The following GATA4 variants were observed in gnomAD, a reference collection of about 807,000 sequenced individuals.
GATA4 encodes transcription factor GATA-4.
GATA4 carries 7 observed loss-of-function variants against 37.9 expected under a neutral mutation model. The ratio of observed to expected loss-of-function variants is 0.18; its 90% confidence interval spans 0.11 to 0.35. The LOEUF (loss-of-function observed/expected upper bound fraction) is 0.35. Ranked by LOEUF, GATA4 falls within the 10% of genes least tolerant of loss-of-function variation. The probability of loss-of-function intolerance (pLI) is 1.00; values close to 1 mark genes in which losing one functional copy is unlikely to be tolerated. For missense variants in GATA4, 647 were observed against 653.0 expected (o/e 0.99, Z 0.10); for synonymous variants, 372 against 292.6 (o/e 1.27, Z -2.77).
At chr8:11,686,330 T>A (rs1262300650) in intron 1 of GATA4, among the ~76,000 whole-genome samples, 1 of 152,064 alleles carries the variant, frequency 6.6e-6, no homozygotes, top group African/African-American at 2.4e-5. Context: ...GCAAATAAAT[T>A]GCATTCTGAA....
rs1350663918 is a variant in GATA4 at position 11,753,704 on chromosome 8, C to G, written c.913-1342C>G. Among the ~76,000 whole-genome samples, 6 of 152,170 alleles carry G rather than the reference C, an allele frequency of 3.9e-5. No homozygotes were observed. In the East Asian group the frequency reaches 5.8e-4, roughly 15 times the overall value. Reference sequence around the variant, plus strand: ...TCGGGGGGTGCAAGTGCCACCCCATCTACCCACAGTTAAATAGGAGGCCAG... The same window carrying G: ...TCGGGGGGTGCAAGTGCCACCCCATGTACCCACAGTTAAATAGGAGGCCAG... On this transcript the variant is annotated intron_variant, in intron 4 of 6. Transcript: ENST00000532059.
At chr8:11,744,706 C>T (rs936624057) in intron 2 of GATA4, among the ~76,000 whole-genome samples, 1 of 152,126 alleles carries the variant, frequency 6.6e-6, no homozygotes, top group Non-Finnish European at 1.5e-5. Flanking sequence ...GGTTGGATGG[C>T]AGGATTTTGT....
At position 11,708,524 on chromosome 8, in the gene GATA4, C is replaced by G; in HGVS notation, c.212C>G (p.Ser71Cys). The change falls in exon 2 of 7, where the codon TCC becomes TGC. Residue 71 changes from serine (S) to cysteine (C), a missense_variant. Ser to Cys is a moderately radical substitution (Grantham distance 112, BLOSUM62 -1). Around this residue, in one of 5 missense-constraint regions of GATA4, gnomAD observed 379 missense variants for 334.5 expected, o/e 1.13. Transcript: ENST00000532059. This position sits in a 1 kb window ranked among gnomAD's most constrained non-coding sequence, Gnocchi z 6.7. ...TCCGGAGGCGCCTCGGGCGGCAGCTCCGGTGGGGCCGCGTCTGGTGCGGGG... is the reference window on the plus strand; with the variant it reads ...TCCGGAGGCGCCTCGGGCGGCAGCTGCGGTGGGGCCGCGTCTGGTGCGGGG... ...SASGGASGGS[S>C]GGAASGAGPG... The G allele has an allele frequency of 6.9e-7, 1 of 1,455,036 alleles. No homozygotes were observed. Among genetic ancestry groups the G allele is most frequent in the South Asian group, 1.4e-5 (1 of 73,166 alleles). 90.1% of individuals were successfully genotyped at this position (1,455,036 alleles called of 1,614,324 possible).
intron 1 of GATA4, chr8:11,706,174 G>C (rs1316913546): frequency 2.0e-5 from 3 of 152,156 alleles, no homozygotes; most frequent in Non-Finnish European, 4.4e-5. Flanking sequence ...TATTTTGAAA[G>C]CAAATAAGCT....
chr8:11,718,561 C>G (rs1020326179), intron 2 of GATA4, among the ~76,000 whole-genome samples: 1 of 152,210 alleles, frequency 6.6e-6, no homozygotes, highest in African/African-American at 2.4e-5. Flanking sequence ...GAAGTTACTA[C>G]CACAATTTGG....
intron 2 of GATA4, among the ~76,000 whole-genome samples, chr8:11,736,365 T>A (rs1263613235): frequency 1.3e-5 from 2 of 152,174 alleles, no homozygotes; most frequent in Non-Finnish European, 2.9e-5. Context: ...CACTTTTGAG[T>A]TGTGGAGACC....
chr8:11,708,058 A>C lies in GATA4; in HGVS notation c.-255A>C. 2 of 559,264 alleles carry C rather than the reference A, an allele frequency of 3.6e-6. No individual in the cohort carries two copies. Among genetic ancestry groups the C allele is most frequent in the Non-Finnish European group, 6.5e-6 (2 of 306,004 alleles). 34.6% of individuals were successfully genotyped at this position (559,264 alleles called of 1,614,324 possible). A position where few individuals can be genotyped will look rare whatever the true frequency, so the allele number is the denominator to read the frequency against. On this transcript the variant is annotated 5_prime_UTR_variant, in exon 2 of 7. Coordinates refer to ENST00000532059, the MANE Select transcript of GATA4 (RefSeq NM_001308093.3). The surrounding 1 kb of genome is among the most constrained non-coding windows in gnomAD (Gnocchi z 6.7). ...CCCTGGGGTGAATTCAGCTGCTCCTACATCAGCTTCCGGAACCACCAAAAA... is the reference window on the plus strand; with the variant it reads ...CCCTGGGGTGAATTCAGCTGCTCCTCCATCAGCTTCCGGAACCACCAAAAA...
chr8:11,742,217 C>G (rs1443762502), intron 2 of GATA4, among the ~76,000 whole-genome samples: 1 of 152,158 alleles, frequency 6.6e-6, no homozygotes, highest in Non-Finnish European at 1.5e-5. Context: ...CCTCCAGTGA[C>G]AGGTGTGGTT....
intron 2 of GATA4, among the ~76,000 whole-genome samples, chr8:11,743,072 C>A (rs777291387): frequency 1.3e-5 from 2 of 152,238 alleles, no homozygotes; most frequent in South Asian, 4.1e-4. Flanking sequence ...CGGGCACGGG[C>A]CCTTTCCACT....
intron 2 of GATA4, among the ~76,000 whole-genome samples, chr8:11,741,933 G>C (rs1370171722): frequency 6.6e-6 from 1 of 152,192 alleles, no homozygotes; most frequent in African/African-American, 2.4e-5. Flanking sequence ...TCTGTGGGCA[G>C]CGCTGGTGGG....
At chr8:11,681,230 T>G (rs1294270103) in intron 1 of GATA4, 3 of 985,148 alleles carry the variant, frequency 3.0e-6, no homozygotes, top group African/African-American at 1.7e-5. Context: ...TTTCTCGACG[T>G]TTGGGGACTT....
chr8:11,690,936 G>A (rs914328045), upstream of GATA4, among the ~76,000 whole-genome samples: 10 of 152,224 alleles, frequency 6.6e-5, no homozygotes, highest in East Asian at 3.8e-4. Flanking sequence ...CTTGCCCAGA[G>A]GAGCAGTTTT....
chr8:11,728,455 A>G (rs1801046577), intron 2 of GATA4, among the ~76,000 whole-genome samples: 1 of 152,042 alleles, frequency 6.6e-6, no homozygotes, highest in Admixed American at 6.5e-5. Context: ...TGCAGCCTTG[A>G]ACTTCTGGGC....
intron 2 of GATA4, among the ~76,000 whole-genome samples, chr8:11,732,594 GA>G (rs1801262871): frequency 6.6e-6 from 1 of 152,230 alleles, no homozygotes; most frequent in Admixed American, 6.5e-5. Context: ...AGATGTGATT[GA>G]TTGCCATAAA....
At chr8:11,755,213 G>C (rs2130339149) in intron 5 of GATA4, 80 bp downstream of exon 5, 1 of 1,246,648 alleles carries the variant, frequency 8.0e-7, no homozygotes, top group South Asian at 1.2e-5. Flanking sequence ...TTCCGGGTTA[G>C]GCAGGCCAGC....
At chr8:11,692,501 C>T, upstream of GATA4, 1 of 985,310 alleles carries the variant, frequency 1.0e-6, no homozygotes, top group Non-Finnish European at 1.2e-6. Flanking sequence ...CCGTGCACAG[C>T]GTGAGTAATT....
chr8:11,723,425 C>T (rs1800768213), intron 2 of GATA4, among the ~76,000 whole-genome samples: 1 of 152,000 alleles, frequency 6.6e-6, no homozygotes, highest in African/African-American at 2.4e-5. Context: ...TTCAGATTGT[C>T]CTATCTTTGC....
In GATA4 at chr8:11,708,112, A is replaced by G. The variant is rs1053307216; in HGVS notation, c.-201A>G. The G allele has an allele frequency of 1.9e-5, 13 of 681,564 alleles. No homozygotes were observed. Among genetic ancestry groups the G allele is most frequent in the Admixed American group, 1.4e-4 (6 of 43,998 alleles). 42.2% of individuals were successfully genotyped at this position (681,564 alleles called of 1,614,324 possible). A position where few individuals can be genotyped will look rare whatever the true frequency, so the allele number is the denominator to read the frequency against. On this transcript the variant is annotated 5_prime_UTR_variant, in exon 2 of 7. Coordinates refer to ENST00000532059, the MANE Select transcript of GATA4 (RefSeq NM_001308093.3). This position sits in a 1 kb window ranked among gnomAD's most constrained non-coding sequence, Gnocchi z 6.7. ...AAATTGGGATTTTCCGGAGTAAACA[A>G]GAGCCTAGAGCCCTTTGCTCAATGC...
chr8:11,757,567 G>T (rs1319707466), intron 6 of GATA4, among the ~76,000 whole-genome samples: 8 of 152,236 alleles, frequency 5.3e-5, no homozygotes, highest in Non-Finnish European at 7.3e-5. Flanking sequence ...CAACAGGGAG[G>T]GTGGGGAAGG....
Sources: gnomAD v4.1 joint callset for allele counts (sites outside exome capture counted in the v4.1 genomes callset) on GRCh38, gnomAD v4.1.1 for gene constraint, gnomAD v4.1.1 regional missense constraint, Gnocchi (gnomAD v3.1) non-coding constraint, MANE v1.5 for transcripts, NCBI Gene and HGNC (gene_info 2026-07-23, HGNC 2026-07-21) for gene names.